Variants in CCDC122 observed in about 807,000 individuals in gnomAD.
CCDC122 encodes coiled-coil domain containing 122.
In CCDC122, 38 loss-of-function variants were observed where a neutral mutation model predicts 37.0. The observed-to-expected ratio is 1.03, with a 90% CI of 0.79 to 1.35. The LOEUF (loss-of-function observed/expected upper bound fraction) is 1.35. CCDC122 is among the 40% of genes most tolerant of loss of function. The probability of loss-of-function intolerance (pLI) is 0.00; values close to 1 mark genes in which losing one functional copy is unlikely to be tolerated. For missense variants in CCDC122, 305 were observed against 310.0 expected, an observed-to-expected ratio of 0.98 and a Z score of 0.12; for synonymous variants, 83 against 95.6, an observed-to-expected ratio of 0.87 and a Z score of 0.77.
At chr13:43,865,646 G>A (rs1396129618) in intron 4 of CCDC122, among the ~76,000 whole-genome samples, 2 of 152,084 alleles carry the variant, frequency 1.3e-5, no homozygotes, top group East Asian at 1.9e-4. Context: ...TGTATTTTTA[G>A]TAGAGACAGG....
chr13:43,825,526 T>C (rs1273659500), intron 3 of CCDC122, among the ~76,000 whole-genome samples: 1 of 152,060 alleles, frequency 6.6e-6, no homozygotes, highest in Non-Finnish European at 1.5e-5. Flanking sequence ...TCCCAGTATT[T>C]TGGGAGGCCA....
chr13:43,847,372 A>G (rs919396724), intron 6 of CCDC122, among the ~76,000 whole-genome samples: 5 of 152,208 alleles, frequency 3.3e-5, no homozygotes, highest in African/African-American at 1.2e-4. Context: ...GTATAAAAGG[A>G]ACTACAGCCT....
chr13:43,853,018 A>G (rs1566946394), intron 6 of CCDC122, among the ~76,000 whole-genome samples: 1 of 152,216 alleles, frequency 6.6e-6, no homozygotes, highest in Non-Finnish European at 1.5e-5. Flanking sequence ...CACCAGAGTC[A>G]GTCACCACAA....
At chr13:43,822,532 G>C (rs933389335), downstream of CCDC122, among the ~76,000 whole-genome samples, 1 of 152,360 alleles carries the variant, frequency 6.6e-6, no homozygotes, top group Non-Finnish European at 1.5e-5. Flanking sequence ...AGGGTGGTAA[G>C]TTCCCCCAGG....
At chr13:43,826,118 G>A (rs1246123371) in intron 3 of CCDC122, among the ~76,000 whole-genome samples, 11 of 151,994 alleles carry the variant, frequency 7.2e-5, no homozygotes, top group Admixed American at 6.6e-4. Flanking sequence ...TAACTCTTTC[G>A]ATGAATTTAT....
At chr13:43,854,888 C>T (rs1267172864) in intron 6 of CCDC122, 1 of 152,054 alleles carries the variant, frequency 6.6e-6, no homozygotes, top group African/African-American at 2.4e-5. Context: ...TGAATTATCT[C>T]AATAGATGCA....
chr13:43,843,168 T>A (rs1295512982), intron 6 of CCDC122, among the ~76,000 whole-genome samples: 1 of 152,050 alleles, frequency 6.6e-6, no homozygotes, highest in Non-Finnish European at 1.5e-5. Flanking sequence ...ATTGTTTTTT[T>A]ATAATAAATT....
intron 4 of CCDC122, among the ~76,000 whole-genome samples, chr13:43,862,472 T>TA (rs770537663): frequency 1.9e-4 from 29 of 152,178 alleles, no homozygotes; most frequent in Non-Finnish European, 4.1e-4. Context: ...CTCCTCTAGT[T>TA]ACTCTCTACA....
chr13:43,852,246 T>C (rs1953762441), intron 6 of CCDC122, among the ~76,000 whole-genome samples: 1 of 152,022 alleles, frequency 6.6e-6, no homozygotes, highest in South Asian at 2.1e-4. Context: ...GACAAAACAA[T>C]GCAGGAGCTG....
intron 1 of CCDC122, among the ~76,000 whole-genome samples, chr13:43,877,553 G>C (rs1954659951): frequency 6.6e-6 from 1 of 152,156 alleles, no homozygotes; most frequent in Admixed American, 6.5e-5. Context: ...TGAACAAAAT[G>C]TAAAGAAGCT....
At chr13:43,875,299 G>C (rs1176318487) in intron 1 of CCDC122, among the ~76,000 whole-genome samples, 1 of 152,136 alleles carries the variant, frequency 6.6e-6, no homozygotes, top group Non-Finnish European at 1.5e-5. Context: ...AAGTAAACAT[G>C]ATTTCCAAAC....
chr13:43,832,409 G>A (rs917464775), downstream of CCDC122, among the ~76,000 whole-genome samples: 1 of 152,176 alleles, frequency 6.6e-6, no homozygotes, highest in South Asian at 2.1e-4. Context: ...AATAACCTTT[G>A]TGGATAAACA....
chr13:43,826,963 G>T (rs980757538), intron 3 of CCDC122, among the ~76,000 whole-genome samples: 6 of 152,100 alleles, frequency 3.9e-5, no homozygotes, highest in Non-Finnish European at 5.9e-5. Context: ...TGTATTCAGA[G>T]AACTGTTATG....
At chr13:43,875,986 G>T (rs9533670) in intron 1 of CCDC122, among the ~76,000 whole-genome samples, 9,052 of 152,280 alleles carry the variant, frequency 0.059, 349 homozygotes, top group Non-Finnish European at 0.087. Context: ...GGCTACTTGA[G>T]ACTCAGACCC....
chr13:43,843,277 TTCTG>T (rs1356150898), intron 6 of CCDC122, among the ~76,000 whole-genome samples: 4 of 152,048 alleles, frequency 2.6e-5, no homozygotes, highest in African/African-American at 7.2e-5. Context: ...GAGTGTTGAA[TTCTG>T]TCTAATGCTG....
chr13:43,827,353 T>C (rs576407020), intron 3 of CCDC122, among the ~76,000 whole-genome samples: 7 of 152,334 alleles, frequency 4.6e-5, no homozygotes, highest in African/African-American at 1.4e-4. Flanking sequence ...AAATCATAAG[T>C]GAATTATCTT....
At chr13:43,839,841 G>C (rs1040313733) in intron 6 of CCDC122, among the ~76,000 whole-genome samples, 3 of 152,158 alleles carry the variant, frequency 2.0e-5, no homozygotes, top group African/African-American at 4.8e-5. Flanking sequence ...GAGTTTAATT[G>C]AGCAATGAAT....
chr13:43,859,007 T>A, intron 5 of CCDC122, 110 bp from the exon 6 acceptor site: 1 of 858,578 alleles, frequency 1.2e-6, no homozygotes, highest in African/African-American at 1.8e-5. Context: ...CAAAATTTAG[T>A]TTTGATAAAT....
chr13:43,870,773 T>G (rs1222141547), intron 2 of CCDC122, among the ~76,000 whole-genome samples: 1 of 152,102 alleles, frequency 6.6e-6, no homozygotes, highest in East Asian at 1.9e-4. Context: ...AGCCATTCAA[T>G]GTAAGATATG....
Sources: gnomAD v4.1 joint callset for allele counts (sites outside exome capture counted in the v4.1 genomes callset) on GRCh38, gnomAD v4.1.1 for gene constraint, MANE v1.5 for transcripts, NCBI Gene and HGNC (gene_info 2026-07-23, HGNC 2026-07-21) for gene names.